Variants in ARNT2 observed in about 807,000 individuals in gnomAD.
ARNT2 encodes the protein ARNT protein 2.
A neutral mutation model predicts 91.7 loss-of-function variants in ARNT2; 36 were observed. That is an observed-to-expected ratio of 0.39 (90% CI 0.30 to 0.52). The LOEUF is 0.52. Among genes scored for constraint, ARNT2 ranks in the 20% least tolerant of loss-of-function variants. ARNT2 has a pLI of 0.72. For missense variants in ARNT2, 775 were observed against 939.3 expected, an observed-to-expected ratio of 0.83 and a Z score of 2.29; for synonymous variants, 365 against 347.1, an observed-to-expected ratio of 1.05 and a Z score of -0.57.
At chr15:80,505,678 A>G (rs1566989213) in intron 5 of ARNT2, among the ~76,000 whole-genome samples, 1 of 152,214 alleles carries the variant, frequency 6.6e-6, no homozygotes, top group East Asian at 1.9e-4. Flanking sequence ...ACTTAAAGCT[A>G]GGTAGTCCAG....
At chr15:80,493,036 G>C (rs1355179945) in intron 5 of ARNT2, among the ~76,000 whole-genome samples, 6 of 152,176 alleles carry the variant, frequency 3.9e-5, no homozygotes, top group African/African-American at 1.4e-4. Flanking sequence ...CTGGAAACTG[G>C]GAAGTCCAAG....
At chr15:80,580,649 C>T (rs1028840348) in intron 16 of ARNT2, 100 bp downstream of exon 16, 102 of 1,506,092 alleles carry the variant, frequency 6.8e-5, no homozygotes, top group South Asian at 2.4e-4. Context: ...TGGGTCGGCT[C>T]CTAGCTGGAA....
At chr15:80,515,169 T>C (rs1049133301) in intron 8 of ARNT2, among the ~76,000 whole-genome samples, 2 of 152,194 alleles carry the variant, frequency 1.3e-5, no homozygotes, top group African/African-American at 4.8e-5. Flanking sequence ...GGTGGGAATA[T>C]AAAATAGCAT....
chr15:80,555,247 A>G, intron 11 of ARNT2, 108 bp downstream of exon 11: 1 of 1,168,930 alleles, frequency 8.6e-7, no homozygotes, highest in South Asian at 1.3e-5. Context: ...GCAAGGTCCT[A>G]CCTATGGCCT....
At chr15:80,564,512 G>A (rs558544267) in intron 12 of ARNT2, among the ~76,000 whole-genome samples, 1 of 147,334 alleles carries the variant, frequency 6.8e-6, no homozygotes, top group Non-Finnish European at 1.5e-5. Context: ...AACCCTCAGA[G>A]GGCCAATGAC....
chr15:80,426,614 G>T (rs1328732700), intron 1 of ARNT2, among the ~76,000 whole-genome samples: 2 of 152,182 alleles, frequency 1.3e-5, no homozygotes, highest in African/African-American at 2.4e-5. Context: ...TCCTCTCTTG[G>T]AGTCCATGAA....
At chr15:80,525,526 A>AAAGG (rs941254071) in intron 8 of ARNT2, among the ~76,000 whole-genome samples, 4 of 152,084 alleles carry the variant, frequency 2.6e-5, no homozygotes, top group African/African-American at 4.8e-5. Context: ...TGGATGGACA[A>AAAGG]AAGGAAGGAA....
intron 7 of ARNT2, 124 bp downstream of exon 7, chr15:80,514,100 G>C: frequency 9.6e-7 from 1 of 1,038,888 alleles, no homozygotes; most frequent in Non-Finnish European, 1.5e-6. Flanking sequence ...CCAGACATCA[G>C]GGTGGCAGTG....
intron 1 of ARNT2, among the ~76,000 whole-genome samples, chr15:80,412,082 C>T (rs1895687650): frequency 6.6e-6 from 1 of 152,152 alleles, no homozygotes; most frequent in African/African-American, 2.4e-5. Context: ...CATTCATTGC[C>T]CTCTGATTGA....
chr15:80,426,042 C>T (rs1357639190), intron 1 of ARNT2, among the ~76,000 whole-genome samples: 1 of 132,358 alleles, frequency 7.6e-6, no homozygotes, highest in Non-Finnish European at 1.6e-5. Flanking sequence ...GCATGGGCAA[C>T]AGAGGAAGAC....
At chr15:80,537,065 C>T (rs1387185447) in intron 8 of ARNT2, among the ~76,000 whole-genome samples, 1 of 152,156 alleles carries the variant, frequency 6.6e-6, no homozygotes, top group Non-Finnish European at 1.5e-5. Flanking sequence ...CTTTCATCCT[C>T]AGCCCAGAGC....
At chr15:80,525,215 T>C (rs1342595820) in intron 8 of ARNT2, among the ~76,000 whole-genome samples, 1 of 152,230 alleles carries the variant, frequency 6.6e-6, no homozygotes, top group Admixed American at 6.5e-5. Flanking sequence ...TGTATATTTT[T>C]GTTTGTTTGT....
At chr15:80,405,541 A>G (rs1895587215) in intron 1 of ARNT2, among the ~76,000 whole-genome samples, 1 of 152,166 alleles carries the variant, frequency 6.6e-6, no homozygotes. Flanking sequence ...GTCTCTCATC[A>G]TAGAATTAGG....
intron 3 of ARNT2, among the ~76,000 whole-genome samples, chr15:80,468,480 A>C (rs1896689292): frequency 6.6e-6 from 1 of 150,952 alleles, no homozygotes; most frequent in Non-Finnish European, 1.5e-5. Context: ...CCTCCTCACC[A>C]CCCTCAAATG....
intron 14 of ARNT2, among the ~76,000 whole-genome samples, chr15:80,576,357 G>C (rs2141477522): frequency 6.6e-6 from 1 of 152,094 alleles, no homozygotes; most frequent in Non-Finnish European, 1.5e-5. Flanking sequence ...GCTCACTGCA[G>C]CCTCCGCCTC....
rs559206201 is a variant in ARNT2 at position 80,425,862 on chromosome 15, A to G, written c.31+21316A>G. 2.6e-5 allele frequency among the ~76,000 whole-genome samples: 4 copies of G among 152,324 alleles called. No homozygotes were observed. The South Asian group carries it at 8.3e-4, about 32-fold the overall frequency. On this transcript the variant is annotated intron_variant, in intron 1 of 18. Transcript: ENST00000303329. Reference sequence around the variant, plus strand: ...CAGGTGCTCGAGACCAGCCTGGGCAACATAGTGAGACCTTGTCTGTGATAA... The same window carrying G: ...CAGGTGCTCGAGACCAGCCTGGGCAGCATAGTGAGACCTTGTCTGTGATAA...
chr15:80,596,623 C>G lies in ARNT2; in HGVS notation c.*2925C>G. On this transcript the variant is annotated 3_prime_UTR_variant, in exon 19 of 19. Transcript: ENST00000303329. The stretch of plus-strand genomic sequence containing the variant: ...TCCTTCAGCCCATGCCCAGCAGATA[C>G]CTCTCTGACTGGAGACGGGCTCAAA... 1 of 153,926 alleles carries G rather than the reference C, an allele frequency of 6.5e-6. No homozygotes were observed. The highest frequency in any genetic ancestry group is 2.0e-4 in the South Asian group (1 of 4,898). The allele number at this position is 153,926 out of a possible 1,614,324, so 9.5% of individuals were successfully genotyped here. A position where few individuals can be genotyped will look rare whatever the true frequency, so the allele number is the denominator to read the frequency against.
chr15:80,553,348 A>G (rs943834874), intron 10 of ARNT2, among the ~76,000 whole-genome samples: 3 of 152,250 alleles, frequency 2.0e-5, no homozygotes, highest in African/African-American at 7.2e-5. Context: ...AGACATATTG[A>G]TAGAAAAGAC....
chr15:80,507,376 G>A (rs1408578925), intron 5 of ARNT2, among the ~76,000 whole-genome samples: 2 of 152,126 alleles, frequency 1.3e-5, no homozygotes, highest in Non-Finnish European at 2.9e-5. Flanking sequence ...CGGTGAGGGA[G>A]AGGAGGGACT....
Sources: gnomAD v4.1 joint callset for allele counts (sites outside exome capture counted in the v4.1 genomes callset) on GRCh38, gnomAD v4.1.1 for gene constraint, MANE v1.5 for transcripts, NCBI Gene and HGNC (gene_info 2026-07-23, HGNC 2026-07-21) for gene names.